The following RARB variants were observed in gnomAD, a reference collection of about 807,000 sequenced individuals.
The protein encoded by RARB is HBV-activated protein.
RARB carries 17 observed loss-of-function variants against 51.9 expected under a neutral mutation model. The ratio of observed to expected loss-of-function variants is 0.33; its 90% CI spans 0.22 to 0.49. The LOEUF (loss-of-function observed/expected upper bound fraction) is 0.49. Among genes scored for constraint, RARB ranks in the 20% least tolerant of loss-of-function variants. The probability of loss-of-function intolerance (pLI) is 0.99; values close to 1 mark genes in which losing one functional copy is unlikely to be tolerated. For synonymous variants in RARB, 215 were observed against 195.4 expected, an observed-to-expected ratio of 1.10 and a Z score of -0.84; for missense variants, 369 against 550.8, an observed-to-expected ratio of 0.67 and a Z score of 3.30.
At chr3:25,109,628 CA>C (rs2125324736) in intron 3 of RARB, among the ~76,000 whole-genome samples, 1 of 152,292 alleles carries the variant, frequency 6.6e-6, no homozygotes, top group African/African-American at 2.4e-5. Context: ...ACTCTGCAAC[CA>C]CATTCATCAT....
chr3:24,934,074 G>A (rs1198649869), intron 2 of RARB, among the ~76,000 whole-genome samples: 1 of 152,114 alleles, frequency 6.6e-6, no homozygotes, highest in Admixed American at 6.6e-5. Context: ...TGAAGAGCGT[G>A]ATGATAAATA....
At chr3:25,036,463 T>A (rs1219761304) in intron 2 of RARB, among the ~76,000 whole-genome samples, 2 of 152,214 alleles carry the variant, frequency 1.3e-5, no homozygotes, top group East Asian at 3.8e-4. Context: ...ACTAGACTAA[T>A]AGACCATCTT....
intron 5 of RARB, among the ~76,000 whole-genome samples, chr3:25,252,656 C>A (rs1163365922): frequency 1.3e-5 from 2 of 152,126 alleles, no homozygotes; most frequent in Admixed American, 1.3e-4. Context: ...TATTTCTTTG[C>A]CAGTTTATAG....
intron 3 of RARB, among the ~76,000 whole-genome samples, chr3:25,079,954 G>A (rs1698959324): frequency 1.3e-5 from 2 of 151,996 alleles, no homozygotes; most frequent in Non-Finnish European, 2.9e-5. Flanking sequence ...TTTCTTCCTT[G>A]TAAAATTTGT....
At chr3:25,436,298 T>C (rs1380903653) in intron 1 of RARB, among the ~76,000 whole-genome samples, 1 of 152,194 alleles carries the variant, frequency 6.6e-6, no homozygotes, top group Non-Finnish European at 1.5e-5. Flanking sequence ...TCCGTTTTGG[T>C]GTACAGAACA....
intron 4 of RARB, among the ~76,000 whole-genome samples, chr3:25,142,159 C>T (rs1231599235): frequency 6.6e-6 from 1 of 152,072 alleles, no homozygotes; most frequent in Non-Finnish European, 1.5e-5. Flanking sequence ...TGGCGAAACC[C>T]CGTCTCTACT....
intron 5 of RARB, among the ~76,000 whole-genome samples, chr3:25,239,362 A>T (rs770077791): frequency 3.3e-5 from 5 of 152,176 alleles, no homozygotes; most frequent in Non-Finnish European, 7.3e-5. Context: ...GATCTTAGCC[A>T]TAATATCTTT....
At chr3:25,040,782 A>G (rs1698096922) in intron 2 of RARB, among the ~76,000 whole-genome samples, 1 of 152,182 alleles carries the variant, frequency 6.6e-6, no homozygotes, top group African/African-American at 2.4e-5. Flanking sequence ...CAAACTTTGT[A>G]GAACATTTTA....
chr3:25,260,462 T>C (rs752257625), intron 5 of RARB, among the ~76,000 whole-genome samples: 2 of 151,986 alleles, frequency 1.3e-5, no homozygotes, highest in Non-Finnish European at 2.9e-5. Flanking sequence ...GAGAAGACAT[T>C]AACAAACCTC....
intron 4 of RARB, among the ~76,000 whole-genome samples, chr3:25,577,772 T>C (rs1700998969): frequency 6.6e-6 from 1 of 152,150 alleles, no homozygotes. Context: ...AGGGATCCAT[T>C]TGCGTGGCAA....
At chr3:25,162,254 C>T (rs2125347089) in intron 4 of RARB, among the ~76,000 whole-genome samples, 1 of 152,216 alleles carries the variant, frequency 6.6e-6, no homozygotes, top group Non-Finnish European at 1.5e-5. Flanking sequence ...TAGGCAAGCA[C>T]CACCATGCCT....
At chr3:25,186,821 G>C (rs1700987781) in intron 5 of RARB, among the ~76,000 whole-genome samples, 3 of 149,816 alleles carry the variant, frequency 2.0e-5, no homozygotes. Flanking sequence ...ATACAAATTT[G>C]TTTAATGTAA....
chr3:25,289,205 T>C (rs1478731546), intron 5 of RARB, among the ~76,000 whole-genome samples: 6 of 152,220 alleles, frequency 3.9e-5, no homozygotes, highest in Non-Finnish European at 2.9e-5. Context: ...TTAGAGTGTC[T>C]CACCCTGTTT....
intron 2 of RARB, among the ~76,000 whole-genome samples, chr3:24,908,177 C>G (rs1694908695): frequency 6.6e-6 from 1 of 152,102 alleles, no homozygotes; most frequent in Non-Finnish European, 1.5e-5. Context: ...AGCACTGATT[C>G]TTGTTCAGAT....
At chr3:25,272,416 C>A (rs1703276191) in intron 5 of RARB, among the ~76,000 whole-genome samples, 1 of 152,186 alleles carries the variant, frequency 6.6e-6, no homozygotes. Flanking sequence ...TGATCTCTGC[C>A]TCCTCTATAA....
Position 25,046,067 on chromosome 3 carries a change from G to A in RARB, c.-379-14058G>A, listed in dbSNP as rs77728115. Among the ~76,000 whole-genome samples the A allele has an allele frequency of 2.4e-3, 358 of 152,226 alleles. 1 individual carries two copies. The highest frequency in any genetic ancestry group is 8.3e-3 in the African/African-American group (346 of 41,500). The stretch of plus-strand genomic sequence containing the variant: ...GCTTTGTAAATCATGTAGTCTGCCC[G>A]GCTCTTTTGGTCCTAGATCAGAAAG... On this transcript the variant is annotated intron_variant, in intron 2 of 11. Transcript: ENST00000383772.
chr3:25,297,197 C>A (rs1196090548), intron 5 of RARB, among the ~76,000 whole-genome samples: 1 of 151,974 alleles, frequency 6.6e-6, no homozygotes, highest in Non-Finnish European at 1.5e-5. Flanking sequence ...TAATTGCTTT[C>A]ATCATATTCT....
intron 4 of RARB, among the ~76,000 whole-genome samples, chr3:25,158,110 G>A (rs550935108): frequency 3.9e-5 from 6 of 152,294 alleles, no homozygotes; most frequent in Admixed American, 3.9e-4. Flanking sequence ...CACATAAGCA[G>A]CAAAGAAACA....
At chr3:24,857,728 A>G (rs1465666955) in intron 1 of RARB, among the ~76,000 whole-genome samples, 1 of 152,140 alleles carries the variant, frequency 6.6e-6, no homozygotes, top group Non-Finnish European at 1.5e-5. Flanking sequence ...CAGGCTGGGG[A>G]ACATAGTGAG....
Sources: allele counts gnomAD v4.1 joint callset (sites outside exome capture counted in the v4.1 genomes callset), GRCh38; gene constraint gnomAD v4.1.1; transcripts MANE v1.5; gene names NCBI Gene and HGNC (gene_info 2026-07-23, HGNC 2026-07-21).